Variants in RSF1 observed in about 807,000 individuals in gnomAD.
RSF1 encodes HBV pX-associated protein 8.
In RSF1, 13 loss-of-function variants were observed where a neutral mutation model predicts 145.2. The ratio of observed to expected loss-of-function variants is 0.09; its 90% confidence interval spans 0.06 to 0.14. The LOEUF is 0.14. Ranked by LOEUF, RSF1 falls within the 10% of genes least tolerant of loss-of-function variation. The probability of loss-of-function intolerance (pLI) is 1.00; values close to 1 mark genes in which losing one functional copy is unlikely to be tolerated. For synonymous variants in RSF1, 577 were observed against 592.6 expected (o/e 0.97, Z 0.38); for missense variants, 1,517 against 1,718.2 (o/e 0.88, Z 2.07).
At chr11:77,704,125 C>G (rs1960487211) in intron 5 of RSF1, among the ~76,000 whole-genome samples, 1 of 152,182 alleles carries the variant, frequency 6.6e-6, no homozygotes, top group Admixed American at 6.5e-5. Context: ...GAAACTCTGT[C>G]TCTACAAAAA....
chr11:77,762,590 A>G (rs961437620), intron 2 of RSF1: 3 of 152,152 alleles, frequency 2.0e-5, no homozygotes, highest in African/African-American at 7.2e-5. Context: ...TGCTCATTCT[A>G]TAGGTCTTAG....
intron 14 of RSF1, among the ~76,000 whole-genome samples, chr11:77,674,717 C>T (rs1434598941): frequency 6.6e-6 from 1 of 152,202 alleles, no homozygotes; most frequent in Non-Finnish European, 1.5e-5. Context: ...ATTTGTTGAG[C>T]TGGCCAGCGT....
At chr11:77,754,498 C>T (rs1948095944) in intron 2 of RSF1, among the ~76,000 whole-genome samples, 1 of 152,004 alleles carries the variant, frequency 6.6e-6, no homozygotes, top group Non-Finnish European at 1.5e-5. Flanking sequence ...TCCCAGCACA[C>T]TGAGAGACCA....
the RSF1 span, among the ~76,000 whole-genome samples, chr11:77,857,266 G>GT: frequency 3.9e-5 from 6 of 152,174 alleles, no homozygotes; most frequent in African/African-American, 1.2e-4. Context: ...TCACTTAGAG[G>GT]TATTCATCAC....
At chr11:77,787,565 A>G (rs755952971) in intron 1 of RSF1, among the ~76,000 whole-genome samples, 17 of 152,144 alleles carry the variant, frequency 1.1e-4, no homozygotes, top group Non-Finnish European at 2.4e-4. Flanking sequence ...TAAAATACGT[A>G]CTATCTGGGT....
At position 77,701,719 on chromosome 11, in the gene RSF1, T is replaced by C; in HGVS notation, c.1510A>G (p.Lys504Glu). Residue 504 changes from lysine (K) to glutamate (E), a missense_variant, in exon 6 of 16, where the codon AAA becomes GAA. By Grantham distance (56) the Lys-to-Glu change is moderately conservative (BLOSUM62 1). Transcript: ENST00000308488. ...TCTTTCCTCAAAGGGGCTGTTTCTT[T>C]CTCAAGCTCACCTGTTTTCATACTT... is the stretch of plus-strand genomic sequence containing the variant. ...ITSMKTGELE[K>E]ETAPLRKDAD... 1 of 1,613,704 alleles carries C rather than the reference T, an allele frequency of 6.2e-7. No homozygotes were observed. Among genetic ancestry groups the C allele is most frequent in the Non-Finnish European group, 8.5e-7 (1 of 1,179,968 alleles).
intron 2 of RSF1, among the ~76,000 whole-genome samples, chr11:77,751,592 G>A (rs1355982818): frequency 6.6e-6 from 1 of 152,220 alleles, no homozygotes; most frequent in Non-Finnish European, 1.5e-5. Flanking sequence ...CGGTCTACCA[G>A]TCTCTGTGAG....
chr11:77,683,622 T>C (rs763438745), intron 11 of RSF1, 88 bp downstream of exon 11: 9 of 785,822 alleles, frequency 1.1e-5, no homozygotes, highest in Non-Finnish European at 1.9e-5. Flanking sequence ...ATAATCAGCA[T>C]GATAGAAAAA....
chr11:77,740,996 A>C, intron 3 of RSF1, 60 bp from the exon 4 acceptor site: 1 of 1,226,422 alleles, frequency 8.2e-7, no homozygotes, highest in Non-Finnish European at 1.2e-6. Flanking sequence ...ATCACAGTAA[A>C]TATGATACAA....
intron 1 of RSF1, among the ~76,000 whole-genome samples, chr11:77,780,805 A>T (rs1948395071): frequency 6.9e-6 from 1 of 144,950 alleles, no homozygotes; most frequent in South Asian, 2.3e-4. Context: ...AGCCTGGGTG[A>T]CAGAGCGAGA....
chr11:77,842,029 G>T, the RSF1 span, among the ~76,000 whole-genome samples: 8 of 152,312 alleles, frequency 5.3e-5, no homozygotes, highest in East Asian at 1.5e-3. Context: ...ACAACAAAAA[G>T]AAATTGTCCT....
intron 1 of RSF1, among the ~76,000 whole-genome samples, chr11:77,779,384 A>T (rs1309695191): frequency 5.8e-4 from 82 of 142,542 alleles, no homozygotes; most frequent in African/African-American, 1.9e-3. Flanking sequence ...TCTAAAAAAA[A>T]TTTTTTTTTT....
chr11:77,712,084 A>G (rs953468318), intron 5 of RSF1, among the ~76,000 whole-genome samples: 18 of 152,230 alleles, frequency 1.2e-4, no homozygotes, highest in Non-Finnish European at 2.2e-4. Context: ...AAAGAGTTAC[A>G]TGATGTCAAT....
At chr11:77,827,731 T>C in the RSF1 span, among the ~76,000 whole-genome samples, 1 of 152,198 alleles carries the variant, frequency 6.6e-6, no homozygotes, top group African/African-American at 2.4e-5. Flanking sequence ...GTTTGCTATA[T>C]CCACTTACAT....
chr11:77,690,967 T>C (rs1960136961), intron 9 of RSF1, 192 bp downstream of exon 9: 2 of 535,140 alleles, frequency 3.7e-6, no homozygotes, highest in Non-Finnish European at 3.3e-6. Flanking sequence ...ATTCTAGTTT[T>C]TCCCCCCAAT....
chr11:77,783,658 A>C (rs778887802), intron 1 of RSF1, among the ~76,000 whole-genome samples: 7 of 151,966 alleles, frequency 4.6e-5, no homozygotes, highest in Admixed American at 6.6e-5. Context: ...CCTGGGCAAC[A>C]CAGCGAGACC....
rs568802214 is a variant in RSF1, at chr11:77,740,870, C to T, written c.439G>A (p.Asp147Asn). The T allele has an allele frequency of 6.2e-6, 10 of 1,614,058 alleles. No homozygotes were observed. Among genetic ancestry groups the T allele is most frequent in the South Asian group, 3.3e-5 (3 of 91,078 alleles). ...FKNIINEEDADTMRLQPIGRD... is the reference protein window; with the variant it reads ...FKNIINEEDANTMRLQPIGRD... ...CCAATTGGCTGGAGACGCATAGTAT[C>T]GGCATCCTCCTCATTAATAATATTC... is the stretch of plus-strand genomic sequence containing the variant. The change falls in exon 4 of 16, where the codon GAT becomes AAT. Residue 147 changes from aspartate (D) to asparagine (N), a missense_variant. Transcript: ENST00000308488.
intron 1 of RSF1, among the ~76,000 whole-genome samples, chr11:77,788,731 A>T (rs1948486703): frequency 6.6e-6 from 1 of 152,206 alleles, no homozygotes; most frequent in South Asian, 2.1e-4. Flanking sequence ...AAAATTCATT[A>T]GAAACAAAGA....
chr11:77,747,370 A>G (rs968775371), intron 2 of RSF1, among the ~76,000 whole-genome samples: 1 of 152,226 alleles, frequency 6.6e-6, no homozygotes, highest in Non-Finnish European at 1.5e-5. Flanking sequence ...TGCTATCAAG[A>G]ACTTTATACA....
Sources: gnomAD v4.1 joint callset for allele counts (sites outside exome capture counted in the v4.1 genomes callset) on GRCh38, gnomAD v4.1.1 for gene constraint, MANE v1.5 for transcripts, NCBI Gene and HGNC (gene_info 2026-07-23, HGNC 2026-07-21) for gene names.